SGCZ: variants seen among roughly 807,000 people sequenced by gnomAD.
SGCZ encodes sarcoglycan zeta.
SGCZ carries 40 observed loss-of-function variants against 41.3 expected under a neutral mutation model. That is an observed-to-expected ratio of 0.97 (90% CI 0.75 to 1.26). The LOEUF is 1.26. Among genes scored for constraint, SGCZ ranks in the 50% most tolerant of loss-of-function variants. The pLI is 0.00. For missense variants in SGCZ, 552 were observed against 369.8 expected, an observed-to-expected ratio of 1.49 and a Z score of -4.04; for synonymous variants, 206 against 137.5, an observed-to-expected ratio of 1.50 and a Z score of -3.49.
At chr8:14,471,584 A>C (rs181236629) in intron 2 of SGCZ, among the ~76,000 whole-genome samples, 3 of 152,220 alleles carry the variant, frequency 2.0e-5, no homozygotes, top group Admixed American at 2.0e-4. Context: ...TTTGCTAAGA[A>C]ATTATTCAAC....
chr8:14,661,026 G>A (rs1563185694), intron 1 of SGCZ, among the ~76,000 whole-genome samples: 1 of 152,078 alleles, frequency 6.6e-6, no homozygotes, highest in African/African-American at 2.4e-5. Context: ...GCTATATTTA[G>A]AGGGTTCTTC....
At chr8:14,596,163 G>C (rs984341267) in intron 1 of SGCZ, among the ~76,000 whole-genome samples, 4 of 152,124 alleles carry the variant, frequency 2.6e-5, no homozygotes, top group Admixed American at 6.5e-5. Flanking sequence ...AGTATTTGTA[G>C]GCCTTTCATT....
intron 4 of SGCZ, among the ~76,000 whole-genome samples, chr8:14,186,640 G>A (rs181479072): frequency 1.3e-5 from 2 of 152,296 alleles, no homozygotes; most frequent in African/African-American, 4.8e-5. Flanking sequence ...CGGATACACA[G>A]CTATAGTGCA....
At chr8:14,911,719 G>C (rs1799285202) in intron 1 of SGCZ, among the ~76,000 whole-genome samples, 1 of 151,706 alleles carries the variant, frequency 6.6e-6, no homozygotes, top group South Asian at 2.1e-4. Flanking sequence ...AATAGTGCTT[G>C]TTTAAAAATA....
intron 1 of SGCZ, among the ~76,000 whole-genome samples, chr8:14,933,691 A>T (rs1415609813): frequency 6.6e-6 from 1 of 151,868 alleles, no homozygotes; most frequent in African/African-American, 2.4e-5. Flanking sequence ...TGACCTCGTG[A>T]TCTGCCCGCC....
intron 1 of SGCZ, among the ~76,000 whole-genome samples, chr8:15,014,105 G>C (rs1462171045): frequency 1.3e-5 from 2 of 152,190 alleles, no homozygotes; most frequent in African/African-American, 4.8e-5. Context: ...AATGACAGAA[G>C]GTAAACAGTC....
intron 5 of SGCZ, among the ~76,000 whole-genome samples, chr8:14,155,798 G>T (rs534465320): frequency 4.0e-5 from 6 of 151,894 alleles, no homozygotes; most frequent in Admixed American, 3.3e-4. Context: ...GCATCATTTG[G>T]TGATTTCGCC....
chr8:15,135,115 C>T (rs1384827665), intron 1 of SGCZ, among the ~76,000 whole-genome samples: 1 of 152,086 alleles, frequency 6.6e-6, no homozygotes, highest in Non-Finnish European at 1.5e-5. Flanking sequence ...AAATTATATG[C>T]AACTTTATTT....
chr8:15,083,321 C>T (rs1805824017), intron 1 of SGCZ, among the ~76,000 whole-genome samples: 1 of 152,100 alleles, frequency 6.6e-6, no homozygotes, highest in African/African-American at 2.4e-5. Flanking sequence ...ATAAACAGAT[C>T]ATCTCTCCTT....
intron 3 of SGCZ, among the ~76,000 whole-genome samples, chr8:14,319,864 A>G (rs1801858604): frequency 6.6e-6 from 1 of 152,062 alleles, no homozygotes; most frequent in African/African-American, 2.4e-5. Context: ...TAAAACATGG[A>G]GCTAATGCAT....
At chr8:14,116,106 T>C (rs1802513749) in intron 5 of SGCZ, among the ~76,000 whole-genome samples, 1 of 152,056 alleles carries the variant, frequency 6.6e-6, no homozygotes, top group African/African-American at 2.4e-5. Flanking sequence ...AAAGAAATTG[T>C]CTAAAACAGA....
chr8:14,236,637 T>C (rs565613354), intron 4 of SGCZ, among the ~76,000 whole-genome samples: 14 of 151,702 alleles, frequency 9.2e-5, no homozygotes, highest in Non-Finnish European at 1.8e-4. Flanking sequence ...CTTTTCTCTT[T>C]CCCTCTTTCT....
chr8:14,158,633 G>C (rs1803949701), intron 5 of SGCZ, among the ~76,000 whole-genome samples: 1 of 152,300 alleles, frequency 6.6e-6, no homozygotes, highest in South Asian at 2.1e-4. Context: ...GTTACTGGAG[G>C]CTAGATATTT....
chr8:14,650,105 A>G (rs1415749708), intron 1 of SGCZ, among the ~76,000 whole-genome samples: 1 of 152,090 alleles, frequency 6.6e-6, no homozygotes, highest in Non-Finnish European at 1.5e-5. Context: ...ACCCAGACAT[A>G]GACGCAATTT....
intron 1 of SGCZ, among the ~76,000 whole-genome samples, chr8:14,569,309 C>T (rs1468512408): frequency 2.0e-5 from 3 of 152,058 alleles, no homozygotes; most frequent in Non-Finnish European, 1.5e-5. Flanking sequence ...TAAATAGCTC[C>T]ATTATTTTTT....
rs1448842715 is a variant in SGCZ, at chr8:14,212,107, G to A, written c.424+25485C>T. Among the ~76,000 whole-genome samples the A allele has an allele frequency of 3.9e-5, 6 of 151,956 alleles. No homozygotes were observed. The East Asian group carries it at 9.7e-4, about 25-fold the overall frequency. On this transcript the variant is annotated intron_variant, in intron 4 of 7. Transcript: ENST00000382080. ...AAGAGTCCTCGATCTTGTAGCAGAC[G>A]ATTACTGAGGCTTGGCATCTCCCAG...
At chr8:14,475,821 A>T (rs1201944715) in intron 2 of SGCZ, among the ~76,000 whole-genome samples, 2 of 152,082 alleles carry the variant, frequency 1.3e-5, no homozygotes, top group Non-Finnish European at 2.9e-5. Context: ...GAATATACAC[A>T]TTGTGATAGT....
chr8:14,814,340 GT>G (rs1459027478), intron 1 of SGCZ, among the ~76,000 whole-genome samples: 10 of 152,224 alleles, frequency 6.6e-5, no homozygotes, highest in Non-Finnish European at 7.4e-5. Context: ...CCCTGTTTGA[GT>G]TTTTCCTAAG....
At chr8:14,667,075 T>C (rs1303344880) in intron 1 of SGCZ, among the ~76,000 whole-genome samples, 3 of 152,120 alleles carry the variant, frequency 2.0e-5, no homozygotes, top group East Asian at 3.9e-4. Context: ...GTCAATGTTA[T>C]AGTATTATCT....
Sources: gnomAD v4.1 joint callset for allele counts (sites outside exome capture counted in the v4.1 genomes callset) on GRCh38, gnomAD v4.1.1 for gene constraint, MANE v1.5 for transcripts, NCBI Gene and HGNC (gene_info 2026-07-23, HGNC 2026-07-21) for gene names.